Variants in TTC39B observed in about 807,000 individuals in gnomAD.
TTC39B encodes tetratricopeptide repeat domain 39B, also known as tetratricopeptide repeat protein 39B.
TTC39B carries 92 observed loss-of-function variants against 96.6 expected under a neutral mutation model. That is an observed-to-expected ratio of 0.95 (90% CI 0.80 to 1.13). The LOEUF is 1.13. TTC39B is among the 50% of genes most tolerant of loss of function. The pLI is 0.00. For missense variants in TTC39B, 955 were observed against 809.3 expected (o/e 1.18, Z -2.18); for synonymous variants, 367 against 299.4 (o/e 1.23, Z -2.33).
At chr9:15,172,055 T>C in exon 20 of TTC39B, 1 of 1,612,994 alleles carries the variant, frequency 6.2e-7, no homozygotes, top group Non-Finnish European at 8.5e-7. Context: ...GGTGAAGAGC[T>C]GCCTGAATTC....
At chr9:15,242,588 G>C (rs933959963) in intron 2 of TTC39B, among the ~76,000 whole-genome samples, 1 of 151,826 alleles carries the variant, frequency 6.6e-6, no homozygotes, top group African/African-American at 2.4e-5. Flanking sequence ...ATCTCAAAAA[G>C]AAAGAAAGAA....
chr9:15,208,070 C>A (rs1819979357), intron 6 of TTC39B, among the ~76,000 whole-genome samples: 1 of 151,126 alleles, frequency 6.6e-6, no homozygotes, highest in Non-Finnish European at 1.5e-5. Context: ...TACTCTGTCA[C>A]CCAGGCAGAA....
intron 1 of TTC39B, among the ~76,000 whole-genome samples, chr9:15,275,620 C>T (rs1396946176): frequency 6.6e-6 from 1 of 152,070 alleles, no homozygotes; most frequent in African/African-American, 2.4e-5. Context: ...ATGAAACCAC[C>T]AGGTAAAGGG....
chr9:15,267,020 A>T (rs1016945752), intron 2 of TTC39B, among the ~76,000 whole-genome samples: 1 of 152,156 alleles, frequency 6.6e-6, no homozygotes, highest in Non-Finnish European at 1.5e-5. Context: ...CGGAGCTTGC[A>T]GTGAGCCGAG....
At chr9:15,227,176 G>C (rs1476913423) in intron 2 of TTC39B, among the ~76,000 whole-genome samples, 1 of 151,928 alleles carries the variant, frequency 6.6e-6, no homozygotes. Flanking sequence ...GTATCGTGGC[G>C]CATGCCTGTA....
At chr9:15,201,392 G>A (rs550526451) in intron 7 of TTC39B, among the ~76,000 whole-genome samples, 5 of 152,242 alleles carry the variant, frequency 3.3e-5, no homozygotes, top group African/African-American at 7.2e-5. Context: ...CGTCAAGCAC[G>A]GGGAGGGAGC....
rs181558219 is a variant in TTC39B, at chr9:15,192,564, T to G, written c.930+26A>C. The G allele has an allele frequency of 1.2e-4, 195 of 1,573,166 alleles. No homozygotes were observed. The East Asian group carries it at 3.8e-3, about 31-fold the overall frequency. ...ACCTTAGGTTCTTCTACAAAAGTTC[T>G]GGTTTCTATACAGTGATTTCCTTAC... is the stretch of plus-strand genomic sequence containing the variant. On this transcript the variant is annotated intron_variant, in intron 9 of 19. Coordinates refer to ENST00000512701, the Ensembl canonical transcript of TTC39B.
chr9:15,234,968 C>T (rs966200891), intron 2 of TTC39B, among the ~76,000 whole-genome samples: 3 of 151,422 alleles, frequency 2.0e-5, no homozygotes, highest in East Asian at 1.9e-4. Flanking sequence ...CTTCCCTCCA[C>T]TATTGTCCTA....
chr9:15,234,638 T>C lies in TTC39B; in HGVS notation c.276-8626A>G, dbSNP rs188392424. ...AGAAATCGGATGGTTGCCGTGTCTGTGTAGGGAGAAGTAGACATGGGAGAC... is the reference window on the plus strand; with the variant it reads ...AGAAATCGGATGGTTGCCGTGTCTGCGTAGGGAGAAGTAGACATGGGAGAC... On this transcript the variant is annotated intron_variant, in intron 2 of 19. Transcript: ENST00000512701. Among the ~76,000 whole-genome samples, 372 of 152,174 alleles carry C rather than the reference T, an allele frequency of 2.4e-3. 2 individuals are homozygous for C. Among genetic ancestry groups the C allele is most frequent in the Non-Finnish European group, 4.1e-3 (277 of 68,002 alleles).
chr9:15,214,486 G>C (rs969535589), intron 3 of TTC39B, among the ~76,000 whole-genome samples: 2 of 152,262 alleles, frequency 1.3e-5, no homozygotes, highest in South Asian at 2.1e-4. Context: ...CAGGTAATTA[G>C]ATTCTGATTC....
intron 2 of TTC39B, among the ~76,000 whole-genome samples, chr9:15,259,725 TA>T (rs1436085963): frequency 2.0e-5 from 3 of 152,198 alleles, no homozygotes; most frequent in African/African-American, 7.2e-5. Context: ...CATTTTCACT[TA>T]CTATATTTTT....
intron 1 of TTC39B, among the ~76,000 whole-genome samples, chr9:15,269,532 G>T (rs1482549825): frequency 6.6e-6 from 1 of 152,102 alleles, no homozygotes; most frequent in Non-Finnish European, 1.5e-5. Context: ...CTGCGGTGAG[G>T]CAGAAAAAAC....
At chr9:15,231,004 C>T (rs896849012) in intron 2 of TTC39B, among the ~76,000 whole-genome samples, 1 of 149,866 alleles carries the variant, frequency 6.7e-6, no homozygotes, top group African/African-American at 2.5e-5. Flanking sequence ...AAAAAACAAA[C>T]AAGTTATTGT....
At chr9:15,292,594 C>T (rs564165693) in intron 1 of TTC39B, among the ~76,000 whole-genome samples, 192 of 152,228 alleles carry the variant, frequency 1.3e-3, no homozygotes, top group Non-Finnish European at 2.3e-3. Context: ...TTTCAGAAGA[C>T]GGCATTGTTG....
intron 1 of TTC39B, among the ~76,000 whole-genome samples, chr9:15,285,372 C>A (rs968181897): frequency 2.0e-4 from 31 of 151,972 alleles, no homozygotes; most frequent in African/African-American, 6.0e-4. Context: ...GAAATAAGTT[C>A]AAACTTACCA....
At chr9:15,234,338 C>G (rs1312463644) in intron 2 of TTC39B, among the ~76,000 whole-genome samples, 1 of 150,690 alleles carries the variant, frequency 6.6e-6, no homozygotes, top group Non-Finnish European at 1.5e-5. Flanking sequence ...CAGCCAGCCG[C>G]CCCATCTGGC....
intron 1 of TTC39B, among the ~76,000 whole-genome samples, chr9:15,301,443 G>T (rs1187984859): frequency 2.6e-5 from 4 of 152,178 alleles, no homozygotes. Context: ...GGCGTTCAAT[G>T]AACGTTGGTG....
chr9:15,292,508 G>T (rs190343558), intron 1 of TTC39B, among the ~76,000 whole-genome samples: 1 of 152,050 alleles, frequency 6.6e-6, no homozygotes, highest in Non-Finnish European at 1.5e-5. Context: ...ATTTTAGAGG[G>T]TACCCTTCTC....
chr9:15,282,970 T>G (rs2131586338), intron 1 of TTC39B, among the ~76,000 whole-genome samples: 1 of 152,354 alleles, frequency 6.6e-6, no homozygotes, highest in Non-Finnish European at 1.5e-5. Flanking sequence ...GTACAGACAC[T>G]GTAACTTTTC....
Sources: allele counts gnomAD v4.1 joint callset (sites outside exome capture counted in the v4.1 genomes callset), GRCh38; gene constraint gnomAD v4.1.1; transcripts MANE v1.5; gene names NCBI Gene and HGNC (gene_info 2026-07-23, HGNC 2026-07-21).